Variants in CNOT10 observed in about 807,000 individuals in gnomAD.
The protein encoded by CNOT10 is CCR4-NOT transcription complex subunit 10.
Under a neutral mutation model 94.6 loss-of-function variants are expected in CNOT10, and 30 were observed. The ratio of observed to expected loss-of-function variants is 0.32; its 90% CI spans 0.24 to 0.43. The LOEUF (loss-of-function observed/expected upper bound fraction) is 0.43, where lower values mean the gene tolerates loss of function less well. Among genes scored for constraint, CNOT10 ranks in the 20% least tolerant of loss-of-function variants. The pLI is 1.00. For missense variants in CNOT10, 759 were observed against 877.2 expected, an observed-to-expected ratio of 0.87 and a Z score of 1.70; for synonymous variants, 289 against 301.6, an observed-to-expected ratio of 0.96 and a Z score of 0.43.
chr3:32,707,662 G>A (rs1456110308), intron 3 of CNOT10, among the ~76,000 whole-genome samples: 1 of 152,030 alleles, frequency 6.6e-6, no homozygotes, highest in Admixed American at 6.6e-5. Context: ...AATTAGCCAG[G>A]TGTTGTGGTG....
intron 13 of CNOT10, among the ~76,000 whole-genome samples, chr3:32,745,387 A>C (rs1449200147): frequency 6.6e-6 from 1 of 152,180 alleles, no homozygotes; most frequent in East Asian, 1.9e-4. Context: ...CCAACTGTAC[A>C]CATAATGACA....
Position 32,704,956 on chromosome 3 carries a change from A to G in CNOT10, c.263A>G (p.Asn88Ser), listed in dbSNP as rs755291602. The G allele has an allele frequency of 2.0e-6, 3 of 1,538,058 alleles. No homozygotes were observed. Among genetic ancestry groups the G allele is most frequent in the South Asian group, 1.3e-5 (1 of 78,302 alleles). Residue 88 changes from asparagine to serine, a missense_variant, in exon 3 of 19, where the codon AAC becomes AGC. Physicochemically the swap from Asn to Ser is conservative, Grantham distance 46. Transcript: ENST00000328834. Reference protein sequence around the residue: ...TTTDNLRQTLNQLKNQVHSAV... With the variant: ...TTTDNLRQTLSQLKNQVHSAV... Reference sequence around the variant, plus strand: ...ACAGATAATTTGAGACAAACACTTAACCAGCTGAAGAATCAGGTGATACAT... The same window carrying G: ...ACAGATAATTTGAGACAAACACTTAGCCAGCTGAAGAATCAGGTGATACAT...
chr3:32,704,966 G>A lies in CNOT10; in HGVS notation c.273G>A (p.Lys91=). 5.9e-6 allele frequency: 9 copies of A among 1,525,668 alleles called. No homozygotes were observed. The highest frequency in any genetic ancestry group is 7.8e-6 in the Non-Finnish European group (9 of 1,147,530). 94.5% of individuals were successfully genotyped at this position (1,525,668 alleles called of 1,614,324 possible). A position where few individuals can be genotyped will look rare whatever the true frequency, so the allele number is the denominator to read the frequency against. ...DNLRQTLNQL[K]NQVHSAVEEM... is the part of the protein sequence containing the mutation. ...TGAGACAAACACTTAACCAGCTGAA[G>A]AATCAGGTGATACATAAATGAATTT... The change falls in exon 3 of 19, where the codon AAG becomes AAA. Residue 91 remains lysine (K), a synonymous_variant. Coordinates refer to ENST00000328834, the MANE Select transcript of CNOT10 (RefSeq NM_015442.3).
intron 14 of CNOT10, among the ~76,000 whole-genome samples, chr3:32,762,225 A>AG (rs1258822566): frequency 3.4e-5 from 5 of 146,232 alleles, no homozygotes; most frequent in Non-Finnish European, 7.5e-5. Flanking sequence ...ACACTTTGGG[A>AG]GGCCAAGACG....
chr3:32,758,734 A>G (rs1464355866), intron 13 of CNOT10, among the ~76,000 whole-genome samples: 4 of 152,208 alleles, frequency 2.6e-5, no homozygotes, highest in Non-Finnish European at 1.5e-5. Context: ...GTCTTTAACC[A>G]GACTTGTTTT....
intron 13 of CNOT10, among the ~76,000 whole-genome samples, chr3:32,755,052 G>A (rs545007419): frequency 6.6e-6 from 1 of 151,348 alleles, no homozygotes; most frequent in Non-Finnish European, 1.5e-5. Context: ...TTCGAGACCA[G>A]CCTGGCCAAT....
intron 1 of CNOT10, among the ~76,000 whole-genome samples, chr3:32,688,909 AAAAAT>A (rs747301391): frequency 1.4e-4 from 21 of 152,264 alleles, no homozygotes; most frequent in Middle Eastern, 6.8e-3. Context: ...CCTCTCTCAA[AAAAAT>A]AAAATAAAAG....
chr3:32,713,749 A>G (rs1036949769), intron 5 of CNOT10, among the ~76,000 whole-genome samples: 8 of 152,252 alleles, frequency 5.3e-5, no homozygotes, highest in African/African-American at 1.9e-4. Flanking sequence ...GAATCATAAT[A>G]TGCGGCTATT....
At chr3:32,697,384 G>A (rs377554138) in intron 1 of CNOT10, among the ~76,000 whole-genome samples, 1 of 152,162 alleles carries the variant, frequency 6.6e-6, no homozygotes, top group East Asian at 1.9e-4. Flanking sequence ...GTATTTCTAA[G>A]GTGCTCTTAC....
chr3:32,737,039 G>A (rs578097919), intron 12 of CNOT10, among the ~76,000 whole-genome samples: 4 of 152,240 alleles, frequency 2.6e-5, no homozygotes, highest in African/African-American at 9.6e-5. Flanking sequence ...GAGGCCGGGC[G>A]AGGTGAGACA....
chr3:32,741,494 G>T (rs953954909), intron 13 of CNOT10, among the ~76,000 whole-genome samples: 2 of 152,128 alleles, frequency 1.3e-5, no homozygotes, highest in African/African-American at 4.8e-5. Flanking sequence ...CCAAGGCCAG[G>T]CGTGGTGGCT....
chr3:32,762,798 C>T lies in CNOT10; in HGVS notation c.1775C>T (p.Thr592Ile), dbSNP rs1700507001. ...ISLDRISDAI[T>I]HLNPENVTDV... is the part of the protein sequence containing the mutation. ...CTCGACAGAATATCTGATGCCATTA[C>T]TCACTTGAACCCGGAGAATGTCACT... The change falls in exon 15 of 19, where the codon ACT becomes ATT. Residue 592 changes from threonine to isoleucine, a missense_variant. Around this residue, in one of 3 missense-constraint regions of CNOT10, gnomAD observed 682 missense variants for 799.4 expected, o/e 0.85. Transcript: ENST00000328834. 6.3e-7 allele frequency: 1 copy of T among 1,587,998 alleles called. No individual in the cohort carries two copies. The highest frequency in any genetic ancestry group is 1.2e-5 in the South Asian group (1 of 85,378).
intron 16 of CNOT10, 67 bp from the exon 17 acceptor site, chr3:32,764,615 A>G: frequency 6.2e-7 from 1 of 1,605,706 alleles, no homozygotes; most frequent in Non-Finnish European, 8.5e-7. Context: ...CCTCAAGGCG[A>G]TAGATTGGGT....
At chr3:32,702,078 G>A (rs994466446) in intron 1 of CNOT10, among the ~76,000 whole-genome samples, 1 of 149,940 alleles carries the variant, frequency 6.7e-6, no homozygotes, top group African/African-American at 2.5e-5. Context: ...GATTACGGGC[G>A]TGAGCCACCA....
intron 3 of CNOT10, among the ~76,000 whole-genome samples, chr3:32,705,494 G>A (rs756533399): frequency 6.6e-6 from 1 of 152,132 alleles, no homozygotes; most frequent in Non-Finnish European, 1.5e-5. Flanking sequence ...GGATCAGCTA[G>A]CATATGTTAA....
Position 32,770,621 on chromosome 3 carries a change from G to C in CNOT10, c.2080+659G>C, listed in dbSNP as rs761655948. ...ATTACAGGCGTGAGCCACCGCACCC[G>C]GCAAGGCTGAGATTTTTAATGTCTG... On this transcript the variant is annotated intron_variant, in intron 18 of 18. Transcript: ENST00000328834. Among the ~76,000 whole-genome samples, 5 of 151,794 alleles carry C rather than the reference G, an allele frequency of 3.3e-5. No homozygotes were observed. In the South Asian group the frequency reaches 6.2e-4, roughly 19 times the overall value.
chr3:32,750,953 A>C (rs1189286002), intron 13 of CNOT10, among the ~76,000 whole-genome samples: 4 of 152,104 alleles, frequency 2.6e-5, no homozygotes, highest in African/African-American at 9.7e-5. Flanking sequence ...ATTCGTTCTG[A>C]GATTGTGATA....
At chr3:32,729,890 T>G (rs1482398178) in intron 10 of CNOT10, among the ~76,000 whole-genome samples, 2 of 141,184 alleles carry the variant, frequency 1.4e-5, no homozygotes, top group Non-Finnish European at 3.0e-5. Flanking sequence ...TGCCTCAGCC[T>G]CCCAAGTAGC....
chr3:32,687,451 T>TTTTTTTTTTTG lies in CNOT10; in HGVS notation c.22+1969_22+1970insTTTTTTTTTTG, dbSNP rs1559471711. On this transcript the variant is annotated intron_variant, in intron 1 of 18. Coordinates refer to ENST00000328834, the MANE Select transcript of CNOT10 (RefSeq NM_015442.3). ...TTAAGTCCTCACGGTTTTTTTTTTT[T>TTTTTTTTTTTG]GTTTTTTTTTTTTTTTTTGAGACGG... is the stretch of plus-strand genomic sequence containing the variant. 1.3e-4 allele frequency among the ~76,000 whole-genome samples: 9 copies of TTTTTTTTTTTG among 70,418 alleles called. No homozygotes were observed. The South Asian group carries it at 2.9e-3, about 23-fold the overall frequency. 46.2% of individuals were successfully genotyped at this position (70,418 alleles called of 152,430 possible). A position where few individuals can be genotyped will look rare whatever the true frequency, so the allele number is the denominator to read the frequency against.
Sources: allele counts gnomAD v4.1 joint callset (sites outside exome capture counted in the v4.1 genomes callset), GRCh38; gene constraint gnomAD v4.1.1; regional missense constraint gnomAD v4.1.1; transcripts MANE v1.5; gene names NCBI Gene and HGNC (gene_info 2026-07-23, HGNC 2026-07-21).